The following EPM2A variants were observed in gnomAD, a reference collection of about 807,000 sequenced individuals.
EPM2A encodes the protein laforin.
A neutral mutation model predicts 26.5 loss-of-function variants in EPM2A; 21 were observed. The ratio of observed to expected loss-of-function variants is 0.79; its 90% CI spans 0.56 to 1.14. The LOEUF is 1.14. Ranked by LOEUF, EPM2A falls within the 50% of genes most tolerant of loss-of-function variation. The pLI is 0.00. For synonymous variants in EPM2A, 217 were observed against 177.6 expected (o/e 1.22, Z -1.76); for missense variants, 458 against 440.8 (o/e 1.04, Z -0.35).
intron 2 of EPM2A, among the ~76,000 whole-genome samples, chr6:145,538,641 C>A (rs997430536): frequency 2.0e-5 from 3 of 152,178 alleles, no homozygotes; most frequent in African/African-American, 7.2e-5. Flanking sequence ...TGTATAATTT[C>A]TTTTGTTTTC....
At chr6:145,390,604 G>A (rs533097912) in intron 4 of EPM2A, among the ~76,000 whole-genome samples, 7 of 123,604 alleles carry the variant, frequency 5.7e-5, no homozygotes, top group African/African-American at 1.7e-4. Context: ...TCTCGCTCCC[G>A]CTCATACTTC....
chr6:145,592,168 ACC>A (rs1781282613), intron 2 of EPM2A, among the ~76,000 whole-genome samples: 1 of 57,198 alleles, frequency 1.7e-5, no homozygotes, highest in Non-Finnish European at 3.1e-5. Flanking sequence ...CCCTCCCCCC[ACC>A]CCATGACAGG....
intron 4 of EPM2A, among the ~76,000 whole-genome samples, chr6:145,437,908 AC>A (rs1323269868): frequency 6.6e-6 from 1 of 152,238 alleles, no homozygotes; most frequent in African/African-American, 2.4e-5. Context: ...TTAAACCTAC[AC>A]TGAAAATGAA....
chr6:145,406,306 A>G (rs75929714), intron 4 of EPM2A, among the ~76,000 whole-genome samples: 6 of 152,194 alleles, frequency 3.9e-5, no homozygotes, highest in African/African-American at 1.4e-4. Context: ...AGTATCTAAC[A>G]ATATACAAGA....
chr6:145,688,588 C>T (rs1781082140), intron 1 of EPM2A, among the ~76,000 whole-genome samples: 1 of 151,732 alleles, frequency 6.6e-6, no homozygotes, highest in South Asian at 2.1e-4. Flanking sequence ...ACATTAAGAC[C>T]AGAAATCTGA....
At chr6:145,668,755 T>G (rs1275864769) in intron 2 of EPM2A, among the ~76,000 whole-genome samples, 2 of 152,160 alleles carry the variant, frequency 1.3e-5, no homozygotes, top group Non-Finnish European at 2.9e-5. Context: ...TTTTCCCTCA[T>G]AGTCAGAAGT....
chr6:145,619,025 A>G (rs532620880), intron 2 of EPM2A, among the ~76,000 whole-genome samples: 1 of 152,278 alleles, frequency 6.6e-6, no homozygotes, highest in African/African-American at 2.4e-5. Context: ...GCATAATGAA[A>G]GTAATTTGTC....
rs909841844 is a variant in EPM2A, at chr6:145,449,058, G to A, written c.555+53464C>T. On this transcript the variant is annotated intron_variant, in intron 4 of 4. Transcript: ENST00000638717. ...TTGTTTTATGTGAGAAGCTTTGCGG[G>A]CTTCATGTTTCACCTAAGGAGTGAT... 2.6e-5 allele frequency among the ~76,000 whole-genome samples: 4 copies of A among 152,270 alleles called. No homozygotes were observed. The South Asian group carries it at 8.3e-4, about 32-fold the overall frequency.
Position 145,702,346 on chromosome 6 carries a change from T to C in EPM2A, c.302-16050A>G, listed in dbSNP as rs568701473. ...TTCTTTCTTGAAAGACAGTATTTTA[T>C]AGCAGTTAAGTGCATGGGCTCAAGA... On this transcript the variant is annotated intron_variant, in intron 1 of 3. Transcript: ENST00000367519. Among the ~76,000 whole-genome samples, 11 of 152,356 alleles carry C rather than the reference T, an allele frequency of 7.2e-5. No homozygotes were observed. In the South Asian group the frequency reaches 2.1e-3, roughly 29 times the overall value.
At chr6:145,635,899 C>A in intron 2 of EPM2A, 2 of 207,822 alleles carry the variant, frequency 9.6e-6, no homozygotes, top group Non-Finnish European at 2.0e-5. Flanking sequence ...GCAGGCATTC[C>A]GGTTTAAAAG....
Position 145,529,167 on chromosome 6 carries a change from C to T in EPM2A, c.341-26592G>A, listed in dbSNP as rs75393279. ...ATAGAGACTACTCCTGGTGGAAATG[C>T]TATGAACATTGTTGAAATGACAAGA... On this transcript the variant is annotated intron_variant, in intron 2 of 3. Transcript: ENST00000450221. Among the ~76,000 whole-genome samples, 1,165 of 152,166 alleles carry T rather than the reference C, an allele frequency of 7.7e-3. 16 individuals are homozygous for T. Among genetic ancestry groups the T allele is most frequent in the African/African-American group, 0.027 (1,109 of 41,534 alleles).
intron 4 of EPM2A, among the ~76,000 whole-genome samples, chr6:145,480,124 C>T (rs1003309507): frequency 1.3e-5 from 2 of 151,824 alleles, no homozygotes; most frequent in African/African-American, 4.8e-5. Context: ...CTTTGTTTTT[C>T]AGTAGTGTAT....
At chr6:145,439,276 G>A in intron 4 of EPM2A, among the ~76,000 whole-genome samples, 1 of 152,106 alleles carries the variant, frequency 6.6e-6, no homozygotes, top group East Asian at 1.9e-4. Flanking sequence ...TAACATACGT[G>A]TGCATGTGTC....
chr6:145,727,695 A>T (rs779816212), intron 1 of EPM2A, among the ~76,000 whole-genome samples: 16 of 152,228 alleles, frequency 1.1e-4, no homozygotes, highest in Admixed American at 3.9e-4. Context: ...TAAATGTTGT[A>T]CATGATATTT....
At chr6:145,428,856 G>T (rs1162211349) in intron 4 of EPM2A, among the ~76,000 whole-genome samples, 1 of 152,174 alleles carries the variant, frequency 6.6e-6, no homozygotes, top group East Asian at 1.9e-4. Flanking sequence ...TATTTTCTTT[G>T]CTTTGGCACT....
intron 2 of EPM2A, among the ~76,000 whole-genome samples, chr6:145,564,284 G>A (rs1316039624): frequency 6.6e-6 from 1 of 152,140 alleles, no homozygotes; most frequent in Non-Finnish European, 1.5e-5. Context: ...ATATACACAT[G>A]CATCTATATG....
intron 2 of EPM2A, among the ~76,000 whole-genome samples, chr6:145,599,629 T>C (rs1358648761): frequency 6.6e-6 from 1 of 152,010 alleles, no homozygotes; most frequent in Non-Finnish European, 1.5e-5. Context: ...TTTTGGTCTT[T>C]TTCTTATATA....
At chr6:145,393,590 G>T (rs1387756069) in intron 4 of EPM2A, among the ~76,000 whole-genome samples, 1 of 152,088 alleles carries the variant, frequency 6.6e-6, no homozygotes, top group Admixed American at 6.6e-5. Context: ...GCGAGAATTT[G>T]ATCTTCAAAT....
Position 145,570,751 on chromosome 6 carries a change from G to A in EPM2A, c.340+64494C>T, listed in dbSNP as rs189549500. On this transcript the variant is annotated intron_variant, in intron 2 of 3. Coordinates refer to the EPM2A transcript ENST00000450221. ...TCATTTGTAGTCCTGCCTGGATTGG[G>A]CTCTTGTAGTTTCCCATTGACCTTA... Among the ~76,000 whole-genome samples, 652 of 152,292 alleles carry A rather than the reference G, an allele frequency of 4.3e-3. 5 individuals are homozygous for A. The highest frequency in any genetic ancestry group is 0.014 in the African/African-American group (563 of 41,564).
Sources: gnomAD v4.1 joint callset for allele counts (sites outside exome capture counted in the v4.1 genomes callset) on GRCh38, gnomAD v4.1.1 for gene constraint, MANE v1.5 for transcripts, NCBI Gene and HGNC (gene_info 2026-07-23, HGNC 2026-07-21) for gene names.